Variants in DCHS2 observed in about 807,000 individuals in gnomAD.
DCHS2 encodes dachsous cadherin-related 2, also known as protocadherin-23.
Under a neutral mutation model 182.4 loss-of-function variants are expected in DCHS2, and 142 were observed. The observed-to-expected ratio is 0.78, with a 90% CI of 0.68 to 0.89. The LOEUF is 0.89. Ranked by LOEUF, DCHS2 falls within the 40% of genes least tolerant of loss-of-function variation. The pLI is 0.00. For missense variants in DCHS2, 4,319 were observed against 4,198.6 expected, an observed-to-expected ratio of 1.03 and a Z score of -0.79; for synonymous variants, 1,740 against 1,663.3, an observed-to-expected ratio of 1.05 and a Z score of -1.12.
At chr4:154,409,187 G>T (rs1252318169) in intron 1 of DCHS2, among the ~76,000 whole-genome samples, 1 of 152,154 alleles carries the variant, frequency 6.6e-6, no homozygotes, top group African/African-American at 2.4e-5. Flanking sequence ...AGTCTGGGCT[G>T]CTGAGTCCAG....
intron 1 of DCHS2, among the ~76,000 whole-genome samples, chr4:154,459,833 C>A (rs1001345975): frequency 6.6e-6 from 1 of 151,388 alleles, no homozygotes; most frequent in Non-Finnish European, 1.5e-5. Context: ...ACTTACAAAA[C>A]CCAATCCAGA....
At position 154,490,050 on chromosome 4, in the gene DCHS2, C is replaced by G. The variant is rs1258897646; in HGVS notation, c.1306G>C (p.Val436Leu). The G allele has an allele frequency of 6.5e-7, 1 of 1,548,634 alleles. No individual in the cohort carries two copies. Among genetic ancestry groups the G allele is most frequent in the Non-Finnish European group, 8.7e-7 (1 of 1,146,950 alleles). The change falls in exon 1 of 20, where the codon GTG (valine) becomes CTG (leucine). Residue 436 changes from valine to leucine, a missense_variant. By Grantham distance (32) the Val-to-Leu change is conservative (BLOSUM62 1). Coordinates refer to ENST00000357232, the MANE Select transcript of DCHS2 (RefSeq NM_001358235.2). ...GCGTCAGACACCGAGACGCGAGCCA[C>G]GTAGTCGCCCGGTCGGGCGCCTTCA... ...VSEGARPGDY[V>L]ARVSVSDADG...
intron 14 of DCHS2, among the ~76,000 whole-genome samples, chr4:154,268,856 A>G (rs1160480677): frequency 6.6e-6 from 1 of 152,072 alleles, no homozygotes. Flanking sequence ...TTAATGATGG[A>G]CTGTAGAAGA....
At chr4:154,310,376 T>C (rs1346211177) in intron 10 of DCHS2, among the ~76,000 whole-genome samples, 5 of 152,196 alleles carry the variant, frequency 3.3e-5, no homozygotes, top group Non-Finnish European at 7.3e-5. Flanking sequence ...CTTGAGAGTT[T>C]CTTTGATTGG....
At chr4:154,318,234 T>A (rs972390303) in intron 9 of DCHS2, among the ~76,000 whole-genome samples, 1 of 151,244 alleles carries the variant, frequency 6.6e-6, no homozygotes, top group African/African-American at 2.4e-5. Context: ...ATACGTTATA[T>A]AAGTATATAC....
At chr4:154,340,498 T>G (rs541524673) in intron 3 of DCHS2, among the ~76,000 whole-genome samples, 61 of 152,216 alleles carry the variant, frequency 4.0e-4, no homozygotes, top group Non-Finnish European at 7.2e-4. Context: ...TGTCTAATTA[T>G]AGCCCCTCCA....
intron 14 of DCHS2, among the ~76,000 whole-genome samples, chr4:154,264,549 A>G (rs747699418): frequency 5.3e-5 from 8 of 152,222 alleles, no homozygotes; most frequent in Non-Finnish European, 8.8e-5. Context: ...GAGTTCCAAG[A>G]AAAGATACAA....
chr4:154,347,783 T>A (rs1399917450), intron 3 of DCHS2, among the ~76,000 whole-genome samples: 1 of 151,894 alleles, frequency 6.6e-6, no homozygotes, highest in Non-Finnish European at 1.5e-5. Flanking sequence ...GGAAGTCCGC[T>A]GGAAGAGCTG....
rs571650941 is a variant in DCHS2 at position 154,311,525 on chromosome 4, G to A, written c.5260+4223C>T. On this transcript the variant is annotated intron_variant, in intron 10 of 19. Coordinates refer to ENST00000357232, the MANE Select transcript of DCHS2 (RefSeq NM_001358235.2). ...ACTAGTATTACAGGCATGAGCCACCGTGCCCAGCCAAGATTCTTGTTTGTA... is the reference window on the plus strand; with the variant it reads ...ACTAGTATTACAGGCATGAGCCACCATGCCCAGCCAAGATTCTTGTTTGTA... 7.2e-5 allele frequency among the ~76,000 whole-genome samples: 11 copies of A among 152,178 alleles called. No individual in the cohort carries two copies. The South Asian group carries it at 8.3e-4, about 11-fold the overall frequency.
chr4:154,386,902 G>C (rs1731447303), intron 1 of DCHS2, among the ~76,000 whole-genome samples: 1 of 152,066 alleles, frequency 6.6e-6, no homozygotes, highest in Non-Finnish European at 1.5e-5. Context: ...TATTAACGAA[G>C]CTATATTATC....
At chr4:154,331,378 G>T (rs971808057) in intron 5 of DCHS2, among the ~76,000 whole-genome samples, 2 of 151,968 alleles carry the variant, frequency 1.3e-5, no homozygotes, top group African/African-American at 4.8e-5. Context: ...TTATTTTAAA[G>T]AAAAAAACAA....
chr4:154,272,447 A>T (rs1287841978), intron 13 of DCHS2, among the ~76,000 whole-genome samples: 1 of 152,102 alleles, frequency 6.6e-6, no homozygotes, highest in Non-Finnish European at 1.5e-5. Context: ...TAATCCTCAT[A>T]ATCTTCACGT....
intron 2 of DCHS2, among the ~76,000 whole-genome samples, chr4:154,366,700 C>T (rs1730385499): frequency 6.6e-6 from 1 of 151,920 alleles, no homozygotes; most frequent in African/African-American, 2.4e-5. Flanking sequence ...TTATTTTCAA[C>T]TTTGATGTAT....
At chr4:154,371,924 A>G (rs1356472742) in intron 2 of DCHS2, among the ~76,000 whole-genome samples, 1 of 152,192 alleles carries the variant, frequency 6.6e-6, no homozygotes, top group African/African-American at 2.4e-5. Context: ...CCCTACCTCC[A>G]ACGCTGGGGA....
rs760612366 is a variant in DCHS2 at position 154,305,177 on chromosome 4, A to T, written c.5315T>A (p.Phe1772Tyr). ...EIMPGASFELFEINSDTGEVV... is the reference protein window; with the variant it reads ...EIMPGASFELYEINSDTGEVV... ...CTCTCCAGTGTCAGAATTTATCTCG[A>T]ATAATTCAAATGAAGCACCTGGCAT... The change falls in exon 11 of 20, where the codon TTC becomes TAC. Residue 1772 changes from phenylalanine (F) to tyrosine (Y), a missense_variant. Coordinates refer to ENST00000357232, the MANE Select transcript of DCHS2 (RefSeq NM_001358235.2). The T allele has an allele frequency of 2.5e-6, 4 of 1,612,996 alleles. No homozygotes were observed. The highest frequency in any genetic ancestry group is 3.4e-6 in the Non-Finnish European group (4 of 1,179,506).
At chr4:154,417,485 A>G (rs1245544079) in intron 1 of DCHS2, among the ~76,000 whole-genome samples, 1 of 152,126 alleles carries the variant, frequency 6.6e-6, no homozygotes, top group Admixed American at 6.5e-5. Flanking sequence ...CAAGGGAGGG[A>G]TCTCACGATA....
intron 10 of DCHS2, among the ~76,000 whole-genome samples, chr4:154,313,376 G>A (rs1735740789): frequency 6.6e-6 from 1 of 152,098 alleles, no homozygotes; most frequent in Non-Finnish European, 1.5e-5. Context: ...AACATTCAGT[G>A]CTCAAATCCC....
chr4:154,355,032 A>G (rs1457222338), intron 3 of DCHS2, among the ~76,000 whole-genome samples: 3 of 152,124 alleles, frequency 2.0e-5, no homozygotes, highest in African/African-American at 7.2e-5. Flanking sequence ...AACAGTCTCA[A>G]TTTAATACTG....
At chr4:154,334,543 AT>A (rs555141878) in intron 4 of DCHS2, 118 of 234,882 alleles carry the variant, frequency 5.0e-4, no homozygotes, top group Admixed American at 1.0e-3. Flanking sequence ...AGAAAGATGC[AT>A]TTTTGTCAAA....
Sources: gnomAD v4.1 joint callset for allele counts (sites outside exome capture counted in the v4.1 genomes callset) on GRCh38, gnomAD v4.1.1 for gene constraint, MANE v1.5 for transcripts, NCBI Gene and HGNC (gene_info 2026-07-23, HGNC 2026-07-21) for gene names.